The following PCDH7 variants were observed in gnomAD, a reference collection of about 807,000 sequenced individuals.
PCDH7 encodes protocadherin-7.
In PCDH7, 17 loss-of-function variants were observed where a neutral mutation model predicts 58.9. That is an observed-to-expected ratio of 0.29 (90% CI 0.20 to 0.43). The LOEUF is 0.43. Among genes scored for constraint, PCDH7 ranks in the 20% least tolerant of loss-of-function variants. The pLI, the probability that PCDH7 is intolerant of heterozygous loss-of-function variation, is 1.00. For missense variants in PCDH7, 1,274 were observed against 1,441.0 expected (o/e 0.88, Z 1.88); for synonymous variants, 664 against 616.4 (o/e 1.08, Z -1.14).
chr4:30,844,882 G>A (rs572377059), intron 1 of PCDH7, among the ~76,000 whole-genome samples: 15 of 152,210 alleles, frequency 9.9e-5, no homozygotes, highest in African/African-American at 3.4e-4. Flanking sequence ...ACATTTTGAG[G>A]GGGACGGAGG....
chr4:31,052,614 G>A (rs541647448), intron 3 of PCDH7, among the ~76,000 whole-genome samples: 5 of 152,172 alleles, frequency 3.3e-5, no homozygotes, highest in African/African-American at 1.2e-4. Context: ...TAAAAATATA[G>A]TAAGTGACTG....
chr4:30,932,835 C>G (rs956994665), intron 2 of PCDH7, among the ~76,000 whole-genome samples: 1 of 152,062 alleles, frequency 6.6e-6, no homozygotes, highest in Non-Finnish European at 1.5e-5. Flanking sequence ...ATTACAAGAT[C>G]CTAATGTCAA....
At chr4:30,724,264 T>C (rs1239319715) in exon 1 of PCDH7, 4 of 1,613,616 alleles carry the variant, frequency 2.5e-6, no homozygotes, top group Admixed American at 1.7e-5. Context: ...GCAGCCTCTC[T>C]ACAGCAGCAT....
chr4:31,113,355 G>A lies in PCDH7; in HGVS notation c.*8-29118G>A, dbSNP rs540762722. On this transcript the variant is annotated intron_variant, in intron 3 of 3. Transcript: ENST00000509759. ...TGCTTATCAAAAGAAAACCATAATT[G>A]CATTATTAAAGTTAAGCATATTTTG... Among the ~76,000 whole-genome samples the A allele has an allele frequency of 9.2e-5, 14 of 152,214 alleles. No homozygotes were observed. The East Asian group carries it at 2.7e-3, about 29-fold the overall frequency.
At chr4:31,031,139 G>T (rs1428609513) in intron 3 of PCDH7, among the ~76,000 whole-genome samples, 2 of 152,148 alleles carry the variant, frequency 1.3e-5, no homozygotes, top group Non-Finnish European at 2.9e-5. Context: ...GCCTGGAAGA[G>T]GAAAGATGGT....
intron 1 of PCDH7, among the ~76,000 whole-genome samples, chr4:30,903,692 T>A (rs531445201): frequency 1.3e-4 from 20 of 152,276 alleles, no homozygotes; most frequent in African/African-American, 4.8e-4. Flanking sequence ...ATAGTTGATG[T>A]CACAGAAGAA....
At chr4:30,823,655 T>C (rs770058283) in intron 1 of PCDH7, among the ~76,000 whole-genome samples, 4 of 152,106 alleles carry the variant, frequency 2.6e-5, no homozygotes, top group Non-Finnish European at 5.9e-5. Context: ...TATGAGACGC[T>C]TCTTGAAATC....
intron 1 of PCDH7, among the ~76,000 whole-genome samples, chr4:30,863,215 C>T (rs1734438228): frequency 6.6e-6 from 1 of 152,056 alleles, no homozygotes; most frequent in Non-Finnish European, 1.5e-5. Flanking sequence ...GTATTGGTTT[C>T]CTGCCCAGAA....
intron 3 of PCDH7, among the ~76,000 whole-genome samples, chr4:31,069,306 G>A (rs922066741): frequency 6.6e-6 from 1 of 151,876 alleles, no homozygotes; most frequent in Non-Finnish European, 1.5e-5. Context: ...GTGAAAGCAG[G>A]GTTCAAAAAC....
chr4:31,105,159 C>A (rs1715390791), intron 3 of PCDH7, among the ~76,000 whole-genome samples: 2 of 152,132 alleles, frequency 1.3e-5, no homozygotes, highest in African/African-American at 4.8e-5. Context: ...TTCATTCTCA[C>A]TGAATAATTG....
At chr4:30,906,856 C>T (rs1020396702) in intron 1 of PCDH7, among the ~76,000 whole-genome samples, 11 of 151,866 alleles carry the variant, frequency 7.2e-5, no homozygotes, top group African/African-American at 2.2e-4. Flanking sequence ...AACCCTGTAC[C>T]TACTAAAAAT....
intron 3 of PCDH7, among the ~76,000 whole-genome samples, chr4:30,951,530 T>G (rs940824271): frequency 1.3e-5 from 2 of 152,156 alleles, no homozygotes; most frequent in African/African-American, 2.4e-5. Context: ...ATCTTTCATG[T>G]CCACAGGTCT....
At chr4:31,114,302 T>A (rs1716718846) in intron 3 of PCDH7, among the ~76,000 whole-genome samples, 1 of 152,156 alleles carries the variant, frequency 6.6e-6, no homozygotes. Context: ...CATCTTTGGG[T>A]AAATAATAAA....
chr4:30,935,363 C>T, intron 2 of PCDH7: 1 of 979,144 alleles, frequency 1.0e-6, no homozygotes, highest in Non-Finnish European at 1.2e-6. Context: ...TTTCTTGGCA[C>T]CTTTTGAATT....
chr4:30,930,586 A>G (rs1466753786), intron 2 of PCDH7, among the ~76,000 whole-genome samples: 1 of 152,180 alleles, frequency 6.6e-6, no homozygotes, highest in Admixed American at 6.5e-5. Context: ...ACTGAAATAT[A>G]AGAGAATAAG....
rs796296694 is a variant in PCDH7 at position 30,846,990 on chromosome 4, G to C, written c.71-73163G>C. On this transcript the variant is annotated intron_variant, in intron 1 of 3. Coordinates refer to the PCDH7 transcript ENST00000509759. ...AATTAAAAATTAGCTGGGCATGGTG[G>C]CATGTTCAAGAAGTTCCAGCTACCT... Among the ~76,000 whole-genome samples, 3 of 151,996 alleles carry C rather than the reference G, an allele frequency of 2.0e-5. 1 individual carries two copies. The South Asian group carries it at 6.2e-4, about 32-fold the overall frequency.
intron 1 of PCDH7, among the ~76,000 whole-genome samples, chr4:30,840,606 T>C (rs1237431095): frequency 6.6e-6 from 1 of 152,188 alleles, no homozygotes; most frequent in Non-Finnish European, 1.5e-5. Context: ...AATGGATTTC[T>C]CCAAGCTTTA....
At chr4:30,980,202 C>A (rs1395643710) in intron 3 of PCDH7, among the ~76,000 whole-genome samples, 1 of 152,142 alleles carries the variant, frequency 6.6e-6, no homozygotes, top group East Asian at 1.9e-4. Flanking sequence ...AACAATTAGG[C>A]ATAAAAGTAT....
intron 1 of PCDH7, among the ~76,000 whole-genome samples, chr4:30,770,409 A>G (rs1577724654): frequency 1.3e-5 from 2 of 152,214 alleles, no homozygotes; most frequent in Admixed American, 1.3e-4. Flanking sequence ...CTTCTAAACA[A>G]TAAGAAATAG....
Sources: gnomAD v4.1 joint callset for allele counts (sites outside exome capture counted in the v4.1 genomes callset) on GRCh38, gnomAD v4.1.1 for gene constraint, MANE v1.5 for transcripts, NCBI Gene and HGNC (gene_info 2026-07-23, HGNC 2026-07-21) for gene names.